Variants in N4BP2L2 observed in about 807,000 individuals in gnomAD.
The protein encoded by N4BP2L2 is NEDD4-binding protein 2-like 2.
A neutral mutation model predicts 56.2 loss-of-function variants in N4BP2L2; 50 were observed. The observed-to-expected ratio is 0.89, with a 90% CI of 0.71 to 1.13. N4BP2L2 has a LOEUF of 1.13. N4BP2L2 is among the 50% of genes most tolerant of loss of function. The pLI is 0.00. For missense variants in N4BP2L2, 689 were observed against 693.8 expected (o/e 0.99, Z 0.08); for synonymous variants, 203 against 223.6 (o/e 0.91, Z 0.82).
chr13:32,520,357 TAA>T (rs55842806), intron 5 of N4BP2L2, among the ~76,000 whole-genome samples: 11 of 137,516 alleles, frequency 8.0e-5, no homozygotes, highest in Admixed American at 1.4e-4. Context: ...CGATAAAAGT[TAA>T]AAAAAAAAAA....
intron 6 of N4BP2L2, among the ~76,000 whole-genome samples, chr13:32,453,958 A>G (rs1196217936): frequency 6.6e-6 from 1 of 152,198 alleles, no homozygotes; most frequent in Non-Finnish European, 1.5e-5. Flanking sequence ...AGGCATAACT[A>G]CCACTTGGGG....
At chr13:32,451,671 T>C (rs1365077859) in intron 6 of N4BP2L2, among the ~76,000 whole-genome samples, 2 of 151,666 alleles carry the variant, frequency 1.3e-5, no homozygotes, top group Non-Finnish European at 1.5e-5. Context: ...GCTTCCCATG[T>C]AGCTGGGACC....
intron 2 of N4BP2L2, among the ~76,000 whole-genome samples, chr13:32,532,622 G>T (rs1289377834): frequency 3.8e-5 from 5 of 131,846 alleles, no homozygotes; most frequent in African/African-American, 1.2e-4. Context: ...ACAGAGTCTT[G>T]CACTGTTGCC....
intron 6 of N4BP2L2, chr13:32,478,908 T>C (rs1167212968): frequency 6.6e-6 from 1 of 152,190 alleles, no homozygotes; most frequent in African/African-American, 2.4e-5. Context: ...AGTGGATGGA[T>C]CACCTGAGGT....
At chr13:32,472,362 G>T (rs943433575) in intron 6 of N4BP2L2, among the ~76,000 whole-genome samples, 1 of 152,180 alleles carries the variant, frequency 6.6e-6, no homozygotes, top group African/African-American at 2.4e-5. Context: ...TACTTATTTG[G>T]TACTGCAGAA....
intron 2 of N4BP2L2, among the ~76,000 whole-genome samples, chr13:32,532,716 A>G (rs1249664496): frequency 1.3e-5 from 2 of 150,410 alleles, no homozygotes; most frequent in African/African-American, 4.9e-5. Flanking sequence ...TCAGCCTCCC[A>G]AGTAGCTGGG....
chr13:32,535,523 C>T (rs780844807), intron 2 of N4BP2L2, among the ~76,000 whole-genome samples: 2 of 152,116 alleles, frequency 1.3e-5, no homozygotes, highest in Non-Finnish European at 2.9e-5. Flanking sequence ...CTACTAGAAA[C>T]ATAAAAGCAC....
intron 3 of N4BP2L2, chr13:32,523,329 T>G (rs534979882): frequency 6.9e-6 from 1 of 145,716 alleles, no homozygotes; most frequent in Non-Finnish European, 1.5e-5. Flanking sequence ...GAAGTGGAGG[T>G]TGCTGTGAGC....
At chr13:32,439,856 CAA>C (rs57865081) in intron 7 of N4BP2L2, among the ~76,000 whole-genome samples, 1 of 105,328 alleles carries the variant, frequency 9.5e-6, no homozygotes, top group African/African-American at 4.0e-5. Context: ...ATTAAGAATC[CAA>C]AAAAAAAAAA....
At chr13:32,450,270 A>C (rs1029000528) in intron 6 of N4BP2L2, among the ~76,000 whole-genome samples, 1 of 152,182 alleles carries the variant, frequency 6.6e-6, no homozygotes, top group African/African-American at 2.4e-5. Context: ...TAGGTAGAAA[A>C]ATTATAATGG....
exon 6 of N4BP2L2, chr13:32,517,710 C>CT (rs1045185394): frequency 2.0e-6 from 3 of 1,483,140 alleles, no homozygotes; most frequent in Admixed American, 4.9e-5. Context: ...GCACTGTAGC[C>CT]TTTTTTTATT....
At chr13:32,455,887 C>A (rs371773927) in intron 6 of N4BP2L2, among the ~76,000 whole-genome samples, 1 of 152,208 alleles carries the variant, frequency 6.6e-6, no homozygotes, top group South Asian at 2.1e-4. Context: ...TGGGGACTGG[C>A]CCACCCAGCT....
At chr13:32,462,515 A>G (rs549963845) in intron 6 of N4BP2L2, among the ~76,000 whole-genome samples, 16 of 152,254 alleles carry the variant, frequency 1.1e-4, no homozygotes, top group Admixed American at 9.2e-4. Context: ...ACATACTGTT[A>G]TAGATAGGAG....
At chr13:32,492,631 C>T (rs934071620) in intron 6 of N4BP2L2, among the ~76,000 whole-genome samples, 1 of 152,002 alleles carries the variant, frequency 6.6e-6, no homozygotes, top group African/African-American at 2.4e-5. Context: ...ATTAAGACAG[C>T]CCGATTTACT....
At chr13:32,477,776 C>T in intron 6 of N4BP2L2, 1 of 927,292 alleles carries the variant, frequency 1.1e-6, no homozygotes, top group Admixed American at 2.6e-5. Context: ...CCAATTGGGC[C>T]TGACCAGGTC....
intron 1 of N4BP2L2, 29 bp from the exon 2 acceptor site, chr13:32,537,056 T>C (rs1435571939): frequency 7.5e-7 from 1 of 1,333,564 alleles, no homozygotes; most frequent in South Asian, 1.8e-5. Flanking sequence ...ATACAATTAC[T>C]AGCTAATATA....
intron 4 of N4BP2L2, chr13:32,521,902 G>C (rs2051052747): frequency 2.9e-6 from 1 of 340,268 alleles, no homozygotes; most frequent in Non-Finnish European, 5.3e-6. Context: ...CTTCAACTGG[G>C]GAGGCGGAGC....
intron 6 of N4BP2L2, among the ~76,000 whole-genome samples, chr13:32,468,127 A>C (rs951670798): frequency 7.2e-5 from 11 of 152,204 alleles, no homozygotes; most frequent in African/African-American, 2.4e-4. Flanking sequence ...GTAGGGGCTA[A>C]AGAAAAAGTT....
At chr13:32,520,336 G>A (rs1382404268) in intron 5 of N4BP2L2, among the ~76,000 whole-genome samples, 2 of 150,336 alleles carry the variant, frequency 1.3e-5, no homozygotes, top group Non-Finnish European at 3.0e-5. Context: ...GGAAGGTGGG[G>A]ACGAGGAAGA....
Sources: allele counts gnomAD v4.1 joint callset (sites outside exome capture counted in the v4.1 genomes callset), GRCh38; gene constraint gnomAD v4.1.1; transcripts MANE v1.5; gene names NCBI Gene and HGNC (gene_info 2026-07-23, HGNC 2026-07-21).